MALRD1: variants seen among roughly 807,000 people sequenced by gnomAD.
MALRD1 encodes MAM and LDL receptor class A domain containing 1.
Under a neutral mutation model 242.1 loss-of-function variants are expected in MALRD1, and 247 were observed. The observed-to-expected ratio is 1.02, with a 90% CI of 0.92 to 1.13. The LOEUF is 1.13. Among genes scored for constraint, MALRD1 ranks in the 50% most tolerant of loss-of-function variants. MALRD1 has a pLI of 0.00. For missense variants in MALRD1, 2,989 were observed against 2,533.1 expected (o/e 1.18, Z -3.86); for synonymous variants, 995 against 866.6 (o/e 1.15, Z -2.60).
chr10:19,122,232 C>T (rs1172359225), intron 5 of MALRD1, among the ~76,000 whole-genome samples: 2 of 152,026 alleles, frequency 1.3e-5, no homozygotes, highest in African/African-American at 4.8e-5. Context: ...GAACCTGGCG[C>T]AGCTGAAATA....
At chr10:19,071,992 G>C (rs1424634099) in intron 2 of MALRD1, among the ~76,000 whole-genome samples, 1 of 152,170 alleles carries the variant, frequency 6.6e-6, no homozygotes, top group Non-Finnish European at 1.5e-5. Context: ...GCTCTTGTCT[G>C]TGGTGAACTT....
chr10:19,055,989 A>C (rs1834654170), intron 1 of MALRD1, among the ~76,000 whole-genome samples: 1 of 152,182 alleles, frequency 6.6e-6, no homozygotes, highest in East Asian at 1.9e-4. Flanking sequence ...CCTTGAACCT[A>C]AAATTAGAGT....
chr10:19,663,533 G>T (rs1384175213), intron 36 of MALRD1, among the ~76,000 whole-genome samples: 1 of 151,886 alleles, frequency 6.6e-6, no homozygotes, highest in Admixed American at 6.6e-5. Flanking sequence ...TTTTCCTTTG[G>T]GTAGATAGCC....
intron 18 of MALRD1, among the ~76,000 whole-genome samples, chr10:19,219,406 A>G (rs1194655234): frequency 6.6e-6 from 1 of 152,154 alleles, no homozygotes; most frequent in African/African-American, 2.4e-5. Context: ...GTACCATAGC[A>G]TATGTGAACA....
intron 38 of MALRD1, among the ~76,000 whole-genome samples, chr10:19,727,879 C>G (rs747259260): frequency 6.6e-6 from 1 of 151,668 alleles, no homozygotes; most frequent in Non-Finnish European, 1.5e-5. Context: ...TAAGGATCCA[C>G]CATTTTAAGT....
chr10:19,184,054 C>T (rs1835635626), intron 14 of MALRD1, among the ~76,000 whole-genome samples: 1 of 152,180 alleles, frequency 6.6e-6, no homozygotes, highest in Non-Finnish European at 1.5e-5. Context: ...TCTGGACCTT[C>T]AGAAACTCTA....
Position 19,257,759 on chromosome 10 carries a change from A to T in MALRD1, c.3067A>T (p.Thr1023Ser). ...TGATGATCTGTCATTTATGGACTGC[A>T]CCCTCTACCCTGGTAAGAGAGAACA... ...AIDDLSFMDC[T>S]LYPGNLPADL... is the part of the protein sequence containing the mutation. The change falls in exon 19 of 40, where the codon ACC becomes TCC. Residue 1023 changes from threonine (T) to serine (S), a missense_variant. Thr to Ser is a moderately conservative substitution (Grantham distance 58). Coordinates refer to ENST00000454679, the MANE Select transcript of MALRD1 (RefSeq NM_001142308.3). 1 of 1,531,538 alleles carries T rather than the reference A, an allele frequency of 6.5e-7. No homozygotes were observed. The highest frequency in any genetic ancestry group is 8.8e-7 in the Non-Finnish European group (1 of 1,135,840). 94.9% of individuals were successfully genotyped at this position (1,531,538 alleles called of 1,614,324 possible). A position where few individuals can be genotyped will look rare whatever the true frequency, so the allele number is the denominator to read the frequency against.
chr10:19,377,792 A>C (rs1845673047), intron 26 of MALRD1, among the ~76,000 whole-genome samples: 1 of 152,122 alleles, frequency 6.6e-6, no homozygotes, highest in African/African-American at 2.4e-5. Context: ...TTTTGTTTGC[A>C]TTGCCAGTAT....
At chr10:19,699,252 G>A (rs1358698677) in intron 38 of MALRD1, among the ~76,000 whole-genome samples, 1 of 145,660 alleles carries the variant, frequency 6.9e-6, no homozygotes. Flanking sequence ...ATATGTACCT[G>A]GGAAGGGAGA....
chr10:19,664,223 TAAAG>T (rs1338971878), intron 36 of MALRD1, among the ~76,000 whole-genome samples: 1 of 151,878 alleles, frequency 6.6e-6, no homozygotes, highest in African/African-American at 2.4e-5. Flanking sequence ...TAAAATAAAA[TAAAG>T]AAACATGGTG....
At chr10:19,193,350 G>T (rs894319290) in intron 14 of MALRD1, among the ~76,000 whole-genome samples, 6 of 152,144 alleles carry the variant, frequency 3.9e-5, no homozygotes, top group African/African-American at 1.4e-4. Context: ...AAGCCCAGGA[G>T]TTCCAGACCA....
At chr10:19,583,992 A>T (rs1388138671) in intron 33 of MALRD1, among the ~76,000 whole-genome samples, 5 of 151,742 alleles carry the variant, frequency 3.3e-5, no homozygotes, top group Non-Finnish European at 1.5e-5. Flanking sequence ...TTTCTTCTAG[A>T]TTTTCTAGTT....
chr10:19,128,616 T>C (rs1837355247), intron 8 of MALRD1, among the ~76,000 whole-genome samples: 1 of 152,152 alleles, frequency 6.6e-6, no homozygotes, highest in Non-Finnish European at 1.5e-5. Context: ...TTTTCAAAAT[T>C]CATGGAAGTA....
intron 36 of MALRD1, among the ~76,000 whole-genome samples, chr10:19,672,411 CT>C (rs200485712): frequency 0.037 from 4,641 of 125,484 alleles, 43 homozygotes; most frequent in African/African-American, 0.042. Context: ...AGATATATAG[CT>C]TTTTTTTTTT....
intron 17 of MALRD1, among the ~76,000 whole-genome samples, chr10:19,207,726 T>A (rs1235807946): frequency 6.6e-6 from 1 of 152,112 alleles, no homozygotes; most frequent in Non-Finnish European, 1.5e-5. Context: ...GGTCTTGAAC[T>A]CCTGACCTCG....
At chr10:19,209,147 A>G in intron 17 of MALRD1, 121 bp from the exon 18 acceptor site, 1 of 855,548 alleles carries the variant, frequency 1.2e-6, no homozygotes, top group Non-Finnish European at 1.6e-6. Flanking sequence ...TAAAAATAAA[A>G]TGGCTTACCT....
chr10:19,651,910 G>A (rs1840910674), intron 36 of MALRD1, among the ~76,000 whole-genome samples: 1 of 152,170 alleles, frequency 6.6e-6, no homozygotes, highest in African/African-American at 2.4e-5. Context: ...AGAAACACTT[G>A]GAGGTCTGGA....
intron 1 of MALRD1, among the ~76,000 whole-genome samples, chr10:19,054,527 G>A (rs1284960621): frequency 1.3e-5 from 2 of 152,076 alleles, no homozygotes; most frequent in African/African-American, 2.4e-5. Flanking sequence ...TTATCTATCC[G>A]AAACTTTGTG....
In MALRD1 at chr10:19,543,687, C is replaced by T. The variant is rs117394039; in HGVS notation, c.5478+12336C>T. ...AGACACTGTAACCCAAACTCTGTAGCTTAACAATGCATAGCCAATCACTAA... is the reference window on the plus strand; with the variant it reads ...AGACACTGTAACCCAAACTCTGTAGTTTAACAATGCATAGCCAATCACTAA... On this transcript the variant is annotated intron_variant, in intron 32 of 39. Transcript: ENST00000454679. Among the ~76,000 whole-genome samples, 57 of 152,212 alleles carry T rather than the reference C, an allele frequency of 3.7e-4. 1 individual carries two copies. In the East Asian group the frequency reaches 8.7e-3, roughly 23 times the overall value.
Sources: gnomAD v4.1 joint callset for allele counts (sites outside exome capture counted in the v4.1 genomes callset) on GRCh38, gnomAD v4.1.1 for gene constraint, MANE v1.5 for transcripts, NCBI Gene and HGNC (gene_info 2026-07-23, HGNC 2026-07-21) for gene names.